Variants in TBC1D14 observed in about 807,000 individuals in gnomAD.
TBC1D14 encodes the protein TBC1 domain family member 14.
TBC1D14 carries 26 observed loss-of-function variants against 79.0 expected under a neutral mutation model. The ratio of observed to expected loss-of-function variants is 0.33; its 90% CI spans 0.24 to 0.46. The LOEUF is 0.46. Ranked by LOEUF, TBC1D14 falls within the 20% of genes least tolerant of loss-of-function variation. TBC1D14 has a pLI of 1.00. For synonymous variants in TBC1D14, 394 were observed against 349.9 expected (o/e 1.13, Z -1.40); for missense variants, 769 against 887.6 (o/e 0.87, Z 1.70).
At chr4:6,920,376 G>T (rs917306744) in intron 1 of TBC1D14, among the ~76,000 whole-genome samples, 1 of 151,760 alleles carries the variant, frequency 6.6e-6, no homozygotes, top group Non-Finnish European at 1.5e-5. Flanking sequence ...CTGGGCTCAA[G>T]TGGTCCTCCT....
intron 11 of TBC1D14, 104 bp downstream of exon 11, chr4:7,010,885 T>C: frequency 2.2e-6 from 3 of 1,365,042 alleles, no homozygotes; most frequent in Non-Finnish European, 3.0e-6. Context: ...ATTTTCTCTC[T>C]GTGAAGAGAT....
chr4:6,939,139 C>T (rs941333695), intron 2 of TBC1D14, among the ~76,000 whole-genome samples: 1 of 152,210 alleles, frequency 6.6e-6, no homozygotes, highest in African/African-American at 2.4e-5. Context: ...AGTCGCTTTG[C>T]AGACACAGCT....
rs759004157 is a variant in TBC1D14, at chr4:6,967,418, A to T, written c.837A>T (p.Ile279=). The change falls in exon 3 of 14, where the codon ATA becomes ATT. Residue 279 remains isoleucine, a synonymous_variant. Transcript: ENST00000409757. ...ATGCCCAGAAGGATTCAAAGAGAATACAGAAGGTACACAAGATACAAAATC... is the reference window on the plus strand; with the variant it reads ...ATGCCCAGAAGGATTCAAAGAGAATTCAGAAGGTACACAAGATACAAAATC... ...RENAQKDSKR[I]QKEYEDKAGR... The T allele has an allele frequency of 1.5e-5, 25 of 1,613,342 alleles. No homozygotes were observed. The East Asian group carries it at 5.3e-4, about 35-fold the overall frequency.
intron 3 of TBC1D14, among the ~76,000 whole-genome samples, 167 bp from the exon 4 acceptor site, chr4:6,994,017 A>G (rs181968077): frequency 2.4e-4 from 37 of 152,170 alleles, no homozygotes; most frequent in Admixed American, 2.4e-3. Flanking sequence ...CTCCAGAAAG[A>G]CCCCTTTAGT....
chr4:6,948,482 G>T (rs1694632387), intron 2 of TBC1D14, among the ~76,000 whole-genome samples: 1 of 152,156 alleles, frequency 6.6e-6, no homozygotes, highest in Non-Finnish European at 1.5e-5. Flanking sequence ...TCTCCCATGT[G>T]TGGAGGTTTG....
intron 2 of TBC1D14, among the ~76,000 whole-genome samples, chr4:6,948,316 C>T (rs115523344): frequency 0.012 from 1,814 of 152,334 alleles, 16 homozygotes; most frequent in Middle Eastern, 0.037. Flanking sequence ...CACATGAGCT[C>T]TGCCTTCTTT....
intron 2 of TBC1D14, among the ~76,000 whole-genome samples, chr4:6,960,247 ATTT>A (rs912173712): frequency 7.7e-6 from 1 of 130,296 alleles, no homozygotes; most frequent in Non-Finnish European, 1.7e-5. Context: ...ATGCCTGGCT[ATTT>A]TTTTTTTTTT....
At chr4:6,909,737 A>C (rs2108885687), upstream of TBC1D14, 1 of 148,796 alleles carries the variant, frequency 6.7e-6, no homozygotes, top group South Asian at 2.1e-4. Flanking sequence ...GGCGGGGCGC[A>C]AGTGCGTGGG....
chr4:6,981,319 C>T (rs1213877406), intron 3 of TBC1D14, among the ~76,000 whole-genome samples: 1 of 152,176 alleles, frequency 6.6e-6, no homozygotes, highest in African/African-American at 2.4e-5. Flanking sequence ...GGTACTGCAC[C>T]AGCCACATAA....
chr4:7,009,559 C>G (rs1404852660), intron 9 of TBC1D14, among the ~76,000 whole-genome samples: 1 of 152,170 alleles, frequency 6.6e-6, no homozygotes, highest in Non-Finnish European at 1.5e-5. Flanking sequence ...ATACCTGGCT[C>G]TCCTGGTGGG....
chr4:6,913,624 C>G (rs186705903), intron 1 of TBC1D14, among the ~76,000 whole-genome samples: 1 of 152,150 alleles, frequency 6.6e-6, no homozygotes, highest in African/African-American at 2.4e-5. Context: ...GATGGCATCC[C>G]GCATGCTTGG....
chr4:6,964,201 G>A (rs900260823), intron 2 of TBC1D14, among the ~76,000 whole-genome samples: 6 of 152,036 alleles, frequency 3.9e-5, no homozygotes, highest in East Asian at 3.9e-4. Context: ...CCTCTTAGTC[G>A]TCCTCCTGCC....
intron 5 of TBC1D14, among the ~76,000 whole-genome samples, chr4:6,998,488 G>A (rs1719302981): frequency 6.6e-6 from 1 of 152,074 alleles, no homozygotes; most frequent in Admixed American, 6.6e-5. Flanking sequence ...TTTTGATCAG[G>A]ATGGTAATTT....
At position 6,953,185 on chromosome 4, in the gene TBC1D14, C is replaced by T. The variant is rs555470176; in HGVS notation, c.723-14119C>T. Among the ~76,000 whole-genome samples the T allele has an allele frequency of 3.1e-3, 468 of 150,416 alleles. 1 individual carries two copies. Among genetic ancestry groups the T allele is most frequent in the African/African-American group, 0.011 (440 of 41,270 alleles). On this transcript the variant is annotated intron_variant, in intron 2 of 13. Transcript: ENST00000409757. ...GATTACAGGCACCTACCACCATGCCCAGCTAATTTTTGTATTTTTAGTAGA... is the reference window on the plus strand; with the variant it reads ...GATTACAGGCACCTACCACCATGCCTAGCTAATTTTTGTATTTTTAGTAGA...
intron 7 of TBC1D14, among the ~76,000 whole-genome samples, chr4:7,004,239 G>GA (rs1719960119): frequency 6.6e-6 from 1 of 152,214 alleles, no homozygotes; most frequent in South Asian, 2.1e-4. Flanking sequence ...TAAATATGGA[G>GA]ATTTGGAGGC....
At chr4:6,910,692 A>G (rs1273164725) in intron 1 of TBC1D14, 1 of 152,166 alleles carries the variant, frequency 6.6e-6, no homozygotes, top group Non-Finnish European at 1.5e-5. Flanking sequence ...TCAGGAGGAT[A>G]GGAGAATGAC....
chr4:7,025,302 C>T lies in TBC1D14; in HGVS notation c.2016+40C>T, dbSNP rs73796404. On this transcript the variant is annotated intron_variant, in intron 13 of 13. Transcript: ENST00000409757. ...TGTTCTTGGCTTCCCACAGCGTAGC[C>T]GGCAAGTGGCGCGACTCAGGAAGGC... The T allele has an allele frequency of 2.4e-3, 3,854 of 1,610,122 alleles. 90 individuals carry two copies. The African/African-American group carries it at 0.044, about 18-fold the overall frequency.
intron 3 of TBC1D14, among the ~76,000 whole-genome samples, chr4:6,987,860 A>G (rs530099708): frequency 1.1e-4 from 17 of 152,338 alleles, no homozygotes; most frequent in Non-Finnish European, 4.4e-5. Context: ...ACCAGCCCGC[A>G]TATTAACTTT....
chr4:6,987,139 C>G, intron 3 of TBC1D14: 1 of 1,192,674 alleles, frequency 8.4e-7, no homozygotes, highest in East Asian at 3.6e-5. Flanking sequence ...GAGTCTCCAG[C>G]CAGGCCTGAC....
Sources: gnomAD v4.1 joint callset for allele counts (sites outside exome capture counted in the v4.1 genomes callset) on GRCh38, gnomAD v4.1.1 for gene constraint, MANE v1.5 for transcripts, NCBI Gene and HGNC (gene_info 2026-07-23, HGNC 2026-07-21) for gene names.